Variants in MREG observed in about 807,000 individuals in gnomAD.
The protein encoded by MREG is dilute suppressor protein homolog.
MREG carries 31 observed loss-of-function variants against 28.5 expected under a neutral mutation model. The observed-to-expected ratio is 1.09, with a 90% CI of 0.82 to 1.47. The LOEUF is 1.47. Ranked by LOEUF, MREG falls within the 40% of genes most tolerant of loss-of-function variation. The pLI, the probability that MREG is intolerant of heterozygous loss-of-function variation, is 0.00. For synonymous variants in MREG, 106 were observed against 95.2 expected, an observed-to-expected ratio of 1.11 and a Z score of -0.66; for missense variants, 256 against 257.4, an observed-to-expected ratio of 0.99 and a Z score of 0.04.
upstream of MREG, among the ~76,000 whole-genome samples, chr2:216,016,757 G>C (rs901507234): frequency 6.6e-6 from 1 of 152,122 alleles, no homozygotes; most frequent in African/African-American, 2.4e-5. Flanking sequence ...TATGACATTT[G>C]TACCTCTGCA....
At position 215,968,595 on chromosome 2, in the gene MREG, C is replaced by G. The variant is rs577484920; in HGVS notation, c.256-21482G>C. On this transcript the variant is annotated intron_variant, in intron 2 of 4. Transcript: ENST00000263268. ...CTCTACCTCTCAGCCCTGCCCTACGCCCAGGGCCTACTGATGCAGTGTTCC... is the reference window on the plus strand; with the variant it reads ...CTCTACCTCTCAGCCCTGCCCTACGGCCAGGGCCTACTGATGCAGTGTTCC... 7.9e-5 allele frequency among the ~76,000 whole-genome samples: 12 copies of G among 152,294 alleles called. No individual in the cohort carries two copies. The South Asian group carries it at 1.0e-3, about 13-fold the overall frequency.
intron 2 of MREG, among the ~76,000 whole-genome samples, chr2:215,991,776 A>C (rs1693727633): frequency 1.3e-5 from 2 of 152,250 alleles, no homozygotes; most frequent in Non-Finnish European, 2.9e-5. Flanking sequence ...ACCTCTATGC[A>C]AATAAACTAG....
intron 2 of MREG, among the ~76,000 whole-genome samples, chr2:215,989,417 G>C (rs1300811332): frequency 6.6e-6 from 1 of 152,172 alleles, no homozygotes; most frequent in Non-Finnish European, 1.5e-5. Flanking sequence ...ACCGAAGGTA[G>C]ATAAATCCCC....
chr2:216,000,405 TC>T (rs1185238784), intron 1 of MREG, among the ~76,000 whole-genome samples: 2 of 152,016 alleles, frequency 1.3e-5, no homozygotes, highest in African/African-American at 2.4e-5. Flanking sequence ...ACCAGCAGGT[TC>T]CCCTGTGGCT....
At position 215,944,871 on chromosome 2, in the gene MREG, T is replaced by C; in HGVS notation, c.637A>G (p.Ser213Gly). 6.3e-7 allele frequency: 1 copy of C among 1,591,226 alleles called. No individual in the cohort carries two copies. The highest frequency in any genetic ancestry group is 1.1e-5 in the South Asian group (1 of 89,864). Reference protein sequence around the residue: ...QKELHYLPFPSP With the variant: ...QKELHYLPFPGP ...GCCCCTGAGCCTCTCCTTTAGGGAC[T>C]TGGAAACGGAAGGTAGTGCAGTTCT... The change falls in exon 5 of 5, where the codon AGT becomes GGT. Residue 213 changes from serine (S) to glycine (G), a missense_variant. Physicochemically the swap from Ser to Gly is moderately conservative, Grantham distance 56. Transcript: ENST00000263268.
At chr2:215,994,430 G>A (rs1202345858) in intron 2 of MREG, among the ~76,000 whole-genome samples, 1 of 151,718 alleles carries the variant, frequency 6.6e-6, no homozygotes, top group African/African-American at 2.4e-5. Flanking sequence ...GGGCCTAGGG[G>A]AGGGATGGCA....
intron 2 of MREG, among the ~76,000 whole-genome samples, chr2:215,958,293 TAAATA>T (rs933797909): frequency 6.6e-6 from 1 of 150,746 alleles, no homozygotes; most frequent in Non-Finnish European, 1.5e-5. Context: ...AATAAATAAA[TAAATA>T]AAATAAAAGA....
chr2:215,962,340 C>T (rs913525118), intron 2 of MREG, among the ~76,000 whole-genome samples: 3 of 152,162 alleles, frequency 2.0e-5, no homozygotes, highest in Admixed American at 6.5e-5. Context: ...TCCCACCTCA[C>T]GTACAGTTTA....
intron 2 of MREG, among the ~76,000 whole-genome samples, chr2:215,978,534 G>A (rs1460813158): frequency 2.0e-5 from 3 of 152,192 alleles, no homozygotes; most frequent in Non-Finnish European, 4.4e-5. Context: ...CTCGTTTTAT[G>A]AGGCCAGCAT....
At chr2:216,000,836 A>C (rs941810276) in intron 1 of MREG, among the ~76,000 whole-genome samples, 1 of 152,232 alleles carries the variant, frequency 6.6e-6, no homozygotes, top group African/African-American at 2.4e-5. Context: ...GAAAGGAGCC[A>C]GTATGTACCT....
intron 4 of MREG, 123 bp from the exon 5 acceptor site, chr2:215,945,120 G>A (rs1470817577): frequency 3.4e-5 from 35 of 1,022,842 alleles, no homozygotes; most frequent in African/African-American, 1.1e-4. Context: ...CAAGTAAGAC[G>A]TTTATTAATT....
At chr2:215,983,222 A>G (rs1693476607) in intron 2 of MREG, among the ~76,000 whole-genome samples, 1 of 152,200 alleles carries the variant, frequency 6.6e-6, no homozygotes, top group African/African-American at 2.4e-5. Context: ...ATGTTCACCC[A>G]CTTCTGGAAA....
intron 1 of MREG, among the ~76,000 whole-genome samples, chr2:216,030,843 G>A (rs1295012662): frequency 1.3e-5 from 2 of 149,842 alleles, no homozygotes; most frequent in East Asian, 4.0e-4. Flanking sequence ...GATTACAGAT[G>A]TTTTGATTCC....
chr2:215,952,696 A>G (rs1419390979), intron 2 of MREG, among the ~76,000 whole-genome samples: 1 of 152,106 alleles, frequency 6.6e-6, no homozygotes, highest in East Asian at 1.9e-4. Flanking sequence ...AAAATAATAT[A>G]ATCACATAGA....
chr2:216,007,306 C>T (rs754901765), intron 1 of MREG, among the ~76,000 whole-genome samples: 21 of 152,234 alleles, frequency 1.4e-4, no homozygotes, highest in Middle Eastern at 3.4e-3. Context: ...TTGCCTGAGA[C>T]GCACAGCCCC....
At chr2:215,954,596 T>C (rs1259637154) in intron 2 of MREG, among the ~76,000 whole-genome samples, 1 of 152,104 alleles carries the variant, frequency 6.6e-6, no homozygotes, top group Admixed American at 6.5e-5. Context: ...CAAATCTAAG[T>C]GCATCGAATT....
At chr2:215,970,934 A>G (rs555084645) in intron 2 of MREG, among the ~76,000 whole-genome samples, 7 of 152,284 alleles carry the variant, frequency 4.6e-5, no homozygotes, top group Admixed American at 3.9e-4. Flanking sequence ...CATATACACT[A>G]TGGAATACTA....
At chr2:216,021,115 G>A (rs1694513445) in intron 1 of MREG, among the ~76,000 whole-genome samples, 1 of 152,154 alleles carries the variant, frequency 6.6e-6, no homozygotes, top group Non-Finnish European at 1.5e-5. Flanking sequence ...TCTTCAGTAG[G>A]GGCCCAAGAA....
At chr2:216,014,169 C>T (rs1694390147), upstream of MREG, among the ~76,000 whole-genome samples, 1 of 151,972 alleles carries the variant, frequency 6.6e-6, no homozygotes, top group African/African-American at 2.4e-5. Context: ...GGAGGCTGTC[C>T]CTTGTCAGCG....
Sources: allele counts gnomAD v4.1 joint callset (sites outside exome capture counted in the v4.1 genomes callset), GRCh38; gene constraint gnomAD v4.1.1; transcripts MANE v1.5; gene names NCBI Gene and HGNC (gene_info 2026-07-23, HGNC 2026-07-21).